The following ANKRD28 variants were observed in gnomAD, a reference collection of about 807,000 sequenced individuals.
ANKRD28 encodes the protein ankyrin repeat domain 28.
Under a neutral mutation model 126.5 loss-of-function variants are expected in ANKRD28, and 44 were observed. That is an observed-to-expected ratio of 0.35 (90% CI 0.27 to 0.45). ANKRD28 has a LOEUF of 0.45. Among genes scored for constraint, ANKRD28 ranks in the 20% least tolerant of loss-of-function variants. ANKRD28 has a pLI of 1.00. For missense variants in ANKRD28, 1,110 were observed against 1,316.6 expected (o/e 0.84, Z 2.43); for synonymous variants, 442 against 468.5 (o/e 0.94, Z 0.73).
intron 3 of ANKRD28, among the ~76,000 whole-genome samples, chr3:15,764,185 CT>C (rs2058630829): frequency 1.3e-5 from 2 of 152,118 alleles, no homozygotes; most frequent in Non-Finnish European, 2.9e-5. Flanking sequence ...TGCCACTGCA[CT>C]CCAGCCTGGG....
intron 2 of ANKRD28, among the ~76,000 whole-genome samples, chr3:15,786,125 A>G (rs1171844557): frequency 1.3e-5 from 2 of 152,120 alleles, no homozygotes; most frequent in African/African-American, 4.8e-5. Flanking sequence ...ATACTTGTCC[A>G]AACTCATTCA....
rs115172994 is a variant in ANKRD28 at position 15,830,453 on chromosome 3, T to C, written c.27+28924A>G. ...AGAGTAGCGCAGCATTAGATTCTCATAGGACTGCCAATCCTATTTTGAATT... is the reference window on the plus strand; with the variant it reads ...AGAGTAGCGCAGCATTAGATTCTCACAGGACTGCCAATCCTATTTTGAATT... On this transcript the variant is annotated intron_variant, in intron 1 of 27. Coordinates refer to the ANKRD28 transcript ENST00000399451. The surrounding 1 kb of genome is among the most constrained non-coding windows in gnomAD (Gnocchi z 4.5). 9.4e-3 allele frequency among the ~76,000 whole-genome samples: 1,424 copies of C among 152,246 alleles called. 22 individuals are homozygous for C. The highest frequency in any genetic ancestry group is 0.032 in the African/African-American group (1,335 of 41,540).
chr3:15,855,048 AAAAAACAAAAAC>A (rs913933895), intron 1 of ANKRD28, among the ~76,000 whole-genome samples: 11 of 152,160 alleles, frequency 7.2e-5, no homozygotes, highest in Admixed American at 1.3e-4. Context: ...ACTCCGTCTC[AAAAAACAAAAAC>A]AAAAACAAAA....
At chr3:15,720,861 GTTGTT>G (rs2073654455) in intron 8 of ANKRD28, 49 bp downstream of exon 8, 1 of 1,499,510 alleles carries the variant, frequency 6.7e-7, no homozygotes, top group East Asian at 2.3e-5. Flanking sequence ...CACCATTGAT[GTTGTT>G]TTAACAGTGA....
At chr3:15,696,269 C>G (rs373471383) in intron 14 of ANKRD28, 24 bp from the exon 15 acceptor site, 8 of 1,400,710 alleles carry the variant, frequency 5.7e-6, no homozygotes. Context: ...CAACAACATA[C>G]TGAAAATCCT....
intron 1 of ANKRD28, among the ~76,000 whole-genome samples, chr3:15,858,495 T>G (rs1234531864): frequency 6.6e-6 from 1 of 152,242 alleles, no homozygotes; most frequent in Non-Finnish European, 1.5e-5. Flanking sequence ...GGTGCTCACT[T>G]TCAAAATAGT....
At position 15,766,249 on chromosome 3, in the gene ANKRD28, G is replaced by A; in HGVS notation, c.265C>T (p.Leu89Phe). The change falls in exon 3 of 28, where the codon CTT becomes TTT. Residue 89 changes from leucine to phenylalanine, a missense_variant. Coordinates refer to ENST00000683139, the MANE Select transcript of ANKRD28 (RefSeq NM_001349278.2). ...GTTACCATACCAGATAAAATAAGAA[G>A]TTCAATGATTTCTGCATCTCCAAGG... ...AYLGDAEIIE[L>F]LILSGARVNA... 1 of 1,610,678 alleles carries A rather than the reference G, an allele frequency of 6.2e-7. No individual in the cohort carries two copies.
chr3:15,792,096 T>C (rs2060056429), intron 2 of ANKRD28, among the ~76,000 whole-genome samples: 1 of 151,618 alleles, frequency 6.6e-6, no homozygotes, highest in Non-Finnish European at 1.5e-5. Flanking sequence ...GGTGAGGATG[T>C]AAAGAAAAGG....
In ANKRD28 at chr3:15,735,427, T is replaced by C; in HGVS notation, c.623A>G (p.His208Arg). ...AFDKKDRRAI[H>R]WAAYMGHIEV... ...GTACATACCCATATATGCTGCCCAA[T>C]GGATAGCACGCCTATCTTTCTTGTC... The change falls in exon 6 of 28, where the codon CAT becomes CGT. Residue 208 changes from histidine (H) to arginine (R), a missense_variant. His to Arg is a conservative substitution (Grantham distance 29, BLOSUM62 0). Coordinates refer to ENST00000683139, the MANE Select transcript of ANKRD28 (RefSeq NM_001349278.2). The C allele has an allele frequency of 1.3e-6, 2 of 1,558,398 alleles. No individual in the cohort carries two copies. Among genetic ancestry groups the C allele is most frequent in the South Asian group, 1.2e-5 (1 of 84,388 alleles).
intron 4 of ANKRD28, among the ~76,000 whole-genome samples, chr3:15,740,551 G>A (rs1456255683): frequency 6.6e-6 from 1 of 151,974 alleles, no homozygotes; most frequent in Non-Finnish European, 1.5e-5. Context: ...GTATGTTAGT[G>A]GATATAATAA....
chr3:15,789,113 A>G (rs2059910867), intron 2 of ANKRD28, among the ~76,000 whole-genome samples: 1 of 151,998 alleles, frequency 6.6e-6, no homozygotes, highest in African/African-American at 2.4e-5. Context: ...CAGGTGACTT[A>G]TTTTTCCAAA....
intron 2 of ANKRD28, among the ~76,000 whole-genome samples, chr3:15,794,477 G>A (rs1048147711): frequency 2.0e-5 from 3 of 152,078 alleles, no homozygotes; most frequent in African/African-American, 7.2e-5. Flanking sequence ...TAACTCAGGG[G>A]TACATTTGTT....
intron 1 of ANKRD28, among the ~76,000 whole-genome samples, chr3:15,850,008 A>G (rs1303456410): frequency 6.6e-6 from 1 of 151,770 alleles, no homozygotes; most frequent in Non-Finnish European, 1.5e-5. Flanking sequence ...ACAGTTATCA[A>G]GACAGCATGG....
intron 1 of ANKRD28, among the ~76,000 whole-genome samples, chr3:15,805,709 G>A (rs1276970477): frequency 6.6e-6 from 1 of 152,118 alleles, no homozygotes; most frequent in African/African-American, 2.4e-5. Context: ...TTACAATGTG[G>A]TGATGCCAGA....
intron 2 of ANKRD28, among the ~76,000 whole-genome samples, chr3:15,770,539 T>C (rs568711464): frequency 2.0e-5 from 3 of 152,098 alleles, no homozygotes; most frequent in South Asian, 2.1e-4. Flanking sequence ...ACAACCAAAA[T>C]TGAGGAAAGG....
At position 15,772,843 on chromosome 3, in the gene ANKRD28, C is replaced by T. The variant is rs138937399; in HGVS notation, c.202-6531G>A. Reference sequence around the variant, plus strand: ...CTGAGATTACAGGCACATACAACCACGCCCAGCTAGCTCATAATTTTTAAA... The same window carrying T: ...CTGAGATTACAGGCACATACAACCATGCCCAGCTAGCTCATAATTTTTAAA... On this transcript the variant is annotated intron_variant, in intron 2 of 27. Transcript: ENST00000683139. Among the ~76,000 whole-genome samples the T allele has an allele frequency of 3.9e-4, 60 of 152,216 alleles. 2 individuals carry two copies. In the East Asian group the frequency reaches 9.9e-3, roughly 25 times the overall value.
chr3:15,842,755 A>G (rs993469788), intron 1 of ANKRD28, among the ~76,000 whole-genome samples: 1 of 152,198 alleles, frequency 6.6e-6, no homozygotes. Flanking sequence ...TTTTTAAAAC[A>G]TAAATAAAAG....
intron 1 of ANKRD28, among the ~76,000 whole-genome samples, chr3:15,841,017 T>G (rs1209524152): frequency 6.6e-6 from 1 of 152,148 alleles, no homozygotes; most frequent in Non-Finnish European, 1.5e-5. Context: ...GGTGCACGCC[T>G]GTAATCCCAG....
intron 4 of ANKRD28, among the ~76,000 whole-genome samples, chr3:15,740,259 C>T (rs147909930): frequency 5.3e-5 from 8 of 152,242 alleles, no homozygotes; most frequent in African/African-American, 9.6e-5. Context: ...AGGGAACTTG[C>T]TGGGGTAACA....
Sources: gnomAD v4.1 joint callset for allele counts (sites outside exome capture counted in the v4.1 genomes callset) on GRCh38, gnomAD v4.1.1 for gene constraint, Gnocchi (gnomAD v3.1) non-coding constraint, MANE v1.5 for transcripts, NCBI Gene and HGNC (gene_info 2026-07-23, HGNC 2026-07-21) for gene names.